Variants in SKA2 observed in about 807,000 individuals in gnomAD.
The protein encoded by SKA2 is spindle and kinetochore associated complex subunit 2.
Under a neutral mutation model 16.9 loss-of-function variants are expected in SKA2, and 13 were observed. That is an observed-to-expected ratio of 0.77 (90% CI 0.50 to 1.22). The LOEUF is 1.22. Among genes scored for constraint, SKA2 ranks in the 50% most tolerant of loss-of-function variants. SKA2 has a pLI of 0.00. For synonymous variants in SKA2, 47 were observed against 48.5 expected (o/e 0.97, Z 0.13); for missense variants, 107 against 139.7 (o/e 0.77, Z 1.18).
At chr17:59,116,850 G>A (rs112313116) in intron 3 of SKA2, among the ~76,000 whole-genome samples, 1,194 of 115,838 alleles carry the variant, frequency 0.01, 22 homozygotes, top group African/African-American at 0.037. Flanking sequence ...ACAGAGTCTC[G>A]CTCTGTTGCC....
At chr17:59,149,850 A>G (rs186918038) in intron 1 of SKA2, among the ~76,000 whole-genome samples, 1 of 152,310 alleles carries the variant, frequency 6.6e-6, no homozygotes, top group East Asian at 1.9e-4. Flanking sequence ...ACTAGAGATC[A>G]GTGGTTGCCA....
chr17:59,129,770 C>T (rs374912532), intron 2 of SKA2, among the ~76,000 whole-genome samples: 1 of 150,784 alleles, frequency 6.6e-6, no homozygotes, highest in East Asian at 2.0e-4. Context: ...CGGGAGAATC[C>T]CTTGAACCTG....
chr17:59,132,453 C>T (rs548358340), intron 1 of SKA2, among the ~76,000 whole-genome samples: 2 of 152,286 alleles, frequency 1.3e-5, no homozygotes, highest in East Asian at 1.9e-4. Flanking sequence ...CACTTCAGCC[C>T]GGGAATTCAA....
At chr17:59,113,807 CAA>C (rs912815245) in intron 3 of SKA2, among the ~76,000 whole-genome samples, 1 of 144,344 alleles carries the variant, frequency 6.9e-6, no homozygotes, top group East Asian at 2.0e-4. Flanking sequence ...GCCTGGGCGA[CAA>C]GAGTGAAACT....
chr17:59,134,182 A>G (rs1463315776), intron 1 of SKA2, among the ~76,000 whole-genome samples: 1 of 152,198 alleles, frequency 6.6e-6, no homozygotes, highest in Non-Finnish European at 1.5e-5. Flanking sequence ...CTAACCCATA[A>G]AACATGTGGA....
intron 1 of SKA2, among the ~76,000 whole-genome samples, chr17:59,135,248 T>C (rs1173635546): frequency 6.6e-6 from 1 of 151,928 alleles, no homozygotes; most frequent in Non-Finnish European, 1.5e-5. Flanking sequence ...ATAACTTTTA[T>C]TTTAGGAAGA....
chr17:59,149,997 A>G (rs2046565107), intron 1 of SKA2, among the ~76,000 whole-genome samples: 1 of 152,204 alleles, frequency 6.6e-6, no homozygotes, highest in Non-Finnish European at 1.5e-5. Context: ...CTAGGTCTAC[A>G]GGTGCACCAC....
At chr17:59,147,846 A>T (rs535340822) in intron 1 of SKA2, among the ~76,000 whole-genome samples, 2,045 of 148,416 alleles carry the variant, frequency 0.014, 49 homozygotes, top group African/African-American at 0.043. Context: ...AAAAAAAAAA[A>T]TTTTTTTTTT....
At chr17:59,120,453 G>T (rs2046325142) in intron 2 of SKA2, among the ~76,000 whole-genome samples, 1 of 150,288 alleles carries the variant, frequency 6.7e-6, no homozygotes, top group South Asian at 2.1e-4. Context: ...TCACTGTGTT[G>T]CCCAGGCTGG....
chr17:59,124,826 G>C (rs1171791411), intron 2 of SKA2, among the ~76,000 whole-genome samples: 1 of 152,146 alleles, frequency 6.6e-6, no homozygotes, highest in Admixed American at 6.6e-5. Flanking sequence ...ATGGCAGTGA[G>C]TAATTTAGGA....
At chr17:59,149,954 C>T (rs2046564668) in intron 1 of SKA2, among the ~76,000 whole-genome samples, 2 of 152,130 alleles carry the variant, frequency 1.3e-5, no homozygotes, top group Admixed American at 6.6e-5. Context: ...CTACTGGGCT[C>T]GAGTGATCTT....
At chr17:59,116,221 A>C (rs1224278976) in intron 3 of SKA2, among the ~76,000 whole-genome samples, 2 of 152,110 alleles carry the variant, frequency 1.3e-5, no homozygotes, top group African/African-American at 4.8e-5. Context: ...AAATACAAAA[A>C]AATTAGCTGG....
chr17:59,126,110 G>T (rs943566181), intron 2 of SKA2, among the ~76,000 whole-genome samples: 1 of 151,604 alleles, frequency 6.6e-6, no homozygotes, highest in Non-Finnish European at 1.5e-5. Flanking sequence ...GGCGGAGCTT[G>T]CAGTGAGCCG....
At chr17:59,146,395 A>T (rs1004301948) in intron 1 of SKA2, among the ~76,000 whole-genome samples, 9 of 152,148 alleles carry the variant, frequency 5.9e-5, no homozygotes, top group Non-Finnish European at 1.3e-4. Context: ...GCTACTCGGG[A>T]GGGTGACGCA....
intron 1 of SKA2, among the ~76,000 whole-genome samples, chr17:59,147,377 GACACAC>G (rs57098353): frequency 1.5e-3 from 212 of 138,218 alleles, no homozygotes; most frequent in South Asian, 0.012. Context: ...TTATATATAA[GACACAC>G]ACACACACAC....
At position 59,112,227 on chromosome 17, in the gene SKA2, T is replaced by C. The variant is rs1355865771; in HGVS notation, c.*50A>G. ...TTAACAAGACATCTTCCTAAATTTC[T>C]CCGGAATTAAGCTCTTCTCTGTTAG... On this transcript the variant is annotated 3_prime_UTR_variant, in exon 4 of 4. Coordinates refer to ENST00000330137, the MANE Select transcript of SKA2 (RefSeq NM_182620.4). 6.8e-7 allele frequency: 1 copy of C among 1,473,634 alleles called. No homozygotes were observed. The highest frequency in any genetic ancestry group is 9.4e-7 in the Non-Finnish European group (1 of 1,064,348). The allele number at this position is 1,473,634 out of a possible 1,614,324, so 91.3% of individuals were successfully genotyped here. A position where few individuals can be genotyped will look rare whatever the true frequency, so the allele number is the denominator to read the frequency against.
At chr17:59,147,005 T>G (rs556116686) in intron 1 of SKA2, among the ~76,000 whole-genome samples, 64 of 151,518 alleles carry the variant, frequency 4.2e-4, no homozygotes, top group East Asian at 9.7e-4. Context: ...TCTTTTTTTT[T>G]GGGGGGGACG....
chr17:59,138,758 C>T (rs1025504172), intron 1 of SKA2, among the ~76,000 whole-genome samples: 1 of 152,138 alleles, frequency 6.6e-6, no homozygotes. Flanking sequence ...TCAATATGAC[C>T]AGTTTAAGGC....
At chr17:59,151,461 A>G (rs1343379943) in intron 1 of SKA2, among the ~76,000 whole-genome samples, 2 of 152,198 alleles carry the variant, frequency 1.3e-5, no homozygotes, top group East Asian at 3.8e-4. Context: ...AATTTTGTAA[A>G]TATGCCCTAA....
Sources: allele counts gnomAD v4.1 joint callset (sites outside exome capture counted in the v4.1 genomes callset), GRCh38; gene constraint gnomAD v4.1.1; transcripts MANE v1.5; gene names NCBI Gene and HGNC (gene_info 2026-07-23, HGNC 2026-07-21).